The following PDE1A variants were observed in gnomAD, a reference collection of about 807,000 sequenced individuals.
PDE1A encodes the protein phosphodiesterase 1A.
Under a neutral mutation model 61.7 loss-of-function variants are expected in PDE1A, and 35 were observed. The ratio of observed to expected loss-of-function variants is 0.57; its 90% CI spans 0.43 to 0.75. PDE1A has a LOEUF of 0.75. Among genes scored for constraint, PDE1A ranks in the 30% least tolerant of loss-of-function variants. PDE1A has a pLI of 0.00. For synonymous variants in PDE1A, 232 were observed against 213.2 expected (o/e 1.09, Z -0.77); for missense variants, 597 against 630.6 (o/e 0.95, Z 0.57).
At chr2:182,259,541 C>T (rs747919745) in intron 2 of PDE1A, among the ~76,000 whole-genome samples, 10 of 152,120 alleles carry the variant, frequency 6.6e-5, no homozygotes, top group Admixed American at 3.9e-4. Context: ...ATCAACTTTA[C>T]GAAGTGAACA....
intron 1 of PDE1A, among the ~76,000 whole-genome samples, chr2:182,340,015 T>G (rs551078629): frequency 8.5e-5 from 13 of 152,294 alleles, no homozygotes; most frequent in Middle Eastern, 3.4e-3. Flanking sequence ...CTGCGTAGTT[T>G]GGGCATAGAT....
chr2:182,402,679 G>A (rs1273836171), intron 1 of PDE1A, among the ~76,000 whole-genome samples: 1 of 152,134 alleles, frequency 6.6e-6, no homozygotes, highest in African/African-American at 2.4e-5. Flanking sequence ...TGACAAATGA[G>A]ATCTAATTAA....
chr2:182,369,968 A>T (rs1015223401), intron 1 of PDE1A, among the ~76,000 whole-genome samples: 1 of 152,162 alleles, frequency 6.6e-6, no homozygotes, highest in Non-Finnish European at 1.5e-5. Context: ...TGAGGTCAGG[A>T]GATCAAGACC....
chr2:182,475,050 T>A (rs1276776692), intron 2 of PDE1A, among the ~76,000 whole-genome samples: 1 of 151,920 alleles, frequency 6.6e-6, no homozygotes. Flanking sequence ...GCTCTCTGTG[T>A]TTCTCTTTAG....
chr2:182,531,672 G>A, the PDE1A span, among the ~76,000 whole-genome samples: 5 of 152,110 alleles, frequency 3.3e-5, no homozygotes, highest in Admixed American at 6.5e-5. Context: ...AAGCAAACAA[G>A]TTCACATTAT....
At chr2:182,334,359 C>T (rs544455104) in intron 1 of PDE1A, among the ~76,000 whole-genome samples, 5 of 151,726 alleles carry the variant, frequency 3.3e-5, no homozygotes, top group African/African-American at 7.2e-5. Flanking sequence ...TGATGAACAT[C>T]GATGCAAAAA....
chr2:182,220,895 T>C (rs1462753102), intron 7 of PDE1A, among the ~76,000 whole-genome samples: 1 of 152,068 alleles, frequency 6.6e-6, no homozygotes, highest in Non-Finnish European at 1.5e-5. Flanking sequence ...TTAAAAATCA[T>C]GTTATATTGT....
At chr2:182,323,247 T>C (rs1470707054) in intron 1 of PDE1A, among the ~76,000 whole-genome samples, 2 of 152,206 alleles carry the variant, frequency 1.3e-5, no homozygotes, top group African/African-American at 2.4e-5. Flanking sequence ...TTGTGACTAA[T>C]AATTGTGGCT....
At position 182,502,313 on chromosome 2, in the gene PDE1A, CGTGT is replaced by C. The variant is rs35441240; in HGVS notation, c.101+19959_101+19962del. ...CCCTTACTGCTCACCTACTCTCTTT[CGTGT>C]GTGTGTGTGTGTGTGTTTGTGTGTG... On this transcript the variant is annotated intron_variant, in intron 2 of 14. Transcript: ENST00000410103. 6.1e-3 allele frequency among the ~76,000 whole-genome samples: 917 copies of C among 150,312 alleles called. 8 individuals carry two copies. Among genetic ancestry groups the C allele is most frequent in the African/African-American group, 0.02 (822 of 41,012 alleles).
chr2:182,493,232 C>CTTT (rs371513720), intron 2 of PDE1A, among the ~76,000 whole-genome samples: 9 of 144,026 alleles, frequency 6.2e-5, no homozygotes, highest in Admixed American at 6.9e-5. Flanking sequence ...TCTCGACTAA[C>CTTT]TTTTTTTTTT....
intron 1 of PDE1A, among the ~76,000 whole-genome samples, chr2:182,278,634 A>C (rs140333047): frequency 6.6e-6 from 1 of 152,110 alleles, no homozygotes; most frequent in East Asian, 1.9e-4. Flanking sequence ...AATTACATGG[A>C]TACTTATCAA....
At chr2:182,627,146 T>TA in the PDE1A span, among the ~76,000 whole-genome samples, 15 of 46,928 alleles carry the variant, frequency 3.2e-4, no homozygotes, top group Non-Finnish European at 4.8e-4. Context: ...AATATAAATA[T>TA]TATTTATATA....
At chr2:182,374,079 A>G (rs761851443) in intron 1 of PDE1A, among the ~76,000 whole-genome samples, 3 of 152,198 alleles carry the variant, frequency 2.0e-5, no homozygotes, top group Non-Finnish European at 4.4e-5. Context: ...ATAAAGTACT[A>G]ATGTTCAAAA....
intron 2 of PDE1A, among the ~76,000 whole-genome samples, chr2:182,506,474 C>T (rs1447913528): frequency 6.6e-6 from 1 of 152,180 alleles, no homozygotes; most frequent in Non-Finnish European, 1.5e-5. Flanking sequence ...AATATTAATG[C>T]TTCTCTGGTT....
chr2:182,159,634 C>T (rs925384366), intron 13 of PDE1A, among the ~76,000 whole-genome samples: 5 of 152,124 alleles, frequency 3.3e-5, no homozygotes, highest in Non-Finnish European at 1.5e-5. Flanking sequence ...TATGAAATAT[C>T]CATTCAGTCT....
the PDE1A span, among the ~76,000 whole-genome samples, chr2:182,712,952 C>G: frequency 6.6e-6 from 1 of 152,226 alleles, no homozygotes; most frequent in South Asian, 2.1e-4. Context: ...GGCCCAAACT[C>G]CTTAAAATAA....
intron 7 of PDE1A, among the ~76,000 whole-genome samples, chr2:182,218,151 C>T (rs1688376904): frequency 6.6e-6 from 1 of 150,454 alleles, no homozygotes; most frequent in Admixed American, 6.6e-5. Context: ...ACATCATTCT[C>T]AGTAAACTAT....
At chr2:182,522,725 G>T in exon 1 of PDE1A, 1 of 960,304 alleles carries the variant, frequency 1.0e-6, no homozygotes, top group Non-Finnish European at 1.3e-6. Flanking sequence ...GTGCACTGAA[G>T]CACATCAGAA....
chr2:182,449,049 T>TACAGAC (rs779278657), intron 2 of PDE1A, among the ~76,000 whole-genome samples: 2 of 90,574 alleles, frequency 2.2e-5, no homozygotes, highest in Non-Finnish European at 5.5e-5. Context: ...ATCATACACA[T>TACAGAC]ACACACACAC....
Sources: allele counts gnomAD v4.1 joint callset (sites outside exome capture counted in the v4.1 genomes callset), GRCh38; gene constraint gnomAD v4.1.1; transcripts MANE v1.5; gene names NCBI Gene and HGNC (gene_info 2026-07-23, HGNC 2026-07-21).